CEP131: variants seen among roughly 807,000 people sequenced by gnomAD.
The protein encoded by CEP131 is centrosomal protein of 131 kDa.
Under a neutral mutation model 136.8 loss-of-function variants are expected in CEP131, and 99 were observed. That is an observed-to-expected ratio of 0.72 (90% CI 0.62 to 0.86). CEP131 has a LOEUF of 0.86. Among genes scored for constraint, CEP131 ranks in the 40% least tolerant of loss-of-function variants. The probability of loss-of-function intolerance (pLI) is 0.00; values close to 1 mark genes in which losing one functional copy is unlikely to be tolerated. For synonymous variants in CEP131, 646 were observed against 612.7 expected, an observed-to-expected ratio of 1.05 and a Z score of -0.80; for missense variants, 1,459 against 1,463.0, an observed-to-expected ratio of 1.00 and a Z score of 0.04.
At chr17:81,195,126 C>T (rs2061726929) in intron 16 of CEP131, among the ~76,000 whole-genome samples, 154 bp from the exon 17 acceptor site, 1 of 152,144 alleles carries the variant, frequency 6.6e-6, no homozygotes, top group African/African-American at 2.4e-5. Flanking sequence ...GCCACTGCTG[C>T]CCTCCCCAGC....
chr17:81,198,301 C>T lies in CEP131; in HGVS notation c.1288-4G>A. On this transcript the variant is annotated splice_polypyrimidine_tract_variant and splice_region_variant and intron_variant, in intron 11 of 25. Coordinates refer to ENST00000450824, the MANE Select transcript of CEP131 (RefSeq NM_014984.4). ...CTGCATCCTGGGCAAGAACGTCCTG[C>T]AAAAGAGCAGGGAGACAGATGCAGC... is the stretch of plus-strand genomic sequence containing the variant. 1 of 1,590,956 alleles carries T rather than the reference C, an allele frequency of 6.3e-7. No homozygotes were observed.
intron 3 of CEP131, 90 bp from the exon 4 acceptor site, chr17:81,207,329 CAG>C: frequency 8.7e-7 from 1 of 1,143,288 alleles, no homozygotes; most frequent in Non-Finnish European, 1.3e-6. Context: ...CCCGCGAGGA[CAG>C]AGGGGCTGAG....
At chr17:81,190,365 C>G (rs2061610819) in intron 24 of CEP131, among the ~76,000 whole-genome samples, 1 of 152,208 alleles carries the variant, frequency 6.6e-6, no homozygotes, top group African/African-American at 2.4e-5. Flanking sequence ...GCCCCGGGAG[C>G]TGACTCCCTG....
chr17:81,205,720 G>A (rs1395685464), intron 5 of CEP131, among the ~76,000 whole-genome samples: 1 of 151,976 alleles, frequency 6.6e-6, no homozygotes, highest in East Asian at 1.9e-4. Flanking sequence ...GCAACACAGC[G>A]AGACTTCATC....
At position 81,194,041 on chromosome 17, in the gene CEP131, G is replaced by A; in HGVS notation, c.2206C>T (p.Gln736Ter). ...CGCTGCGAGGCCCGCTCATCCGACTGCAGCAGCTCCGCCTCGTGCAGGCTC... is the reference window on the plus strand; with the variant it reads ...CGCTGCGAGGCCCGCTCATCCGACTACAGCAGCTCCGCCTCGTGCAGGCTC... ...LKSLHEAELL[Q>*]SDERASQRCL... Residue 736 changes from glutamine (Q) to a stop codon, truncating the protein, a stop_gained, in exon 18 of 26, where the codon CAG becomes TAG. Coordinates refer to ENST00000450824, the MANE Select transcript of CEP131 (RefSeq NM_014984.4). LOFTEE classifies it high-confidence loss of function. 1 of 1,582,962 alleles carries A rather than the reference G, an allele frequency of 6.3e-7. No individual in the cohort carries two copies.
In CEP131 at chr17:81,197,000, G is replaced by C; in HGVS notation, c.1703C>G (p.Thr568Arg). 5 of 1,601,878 alleles carry C rather than the reference G, an allele frequency of 3.1e-6. No individual in the cohort carries two copies. Among genetic ancestry groups the C allele is most frequent in the Non-Finnish European group, 3.4e-6 (4 of 1,174,422 alleles). The change falls in exon 14 of 26, where the codon ACG becomes AGG. Residue 568 changes from threonine (T) to arginine (R), a missense_variant. Thr to Arg is a moderately conservative substitution (Grantham distance 71). Around this residue, in one of 3 missense-constraint regions of CEP131, gnomAD observed 1,026 missense variants for 964.2 expected, o/e 1.06. Coordinates refer to ENST00000450824, the MANE Select transcript of CEP131 (RefSeq NM_014984.4). Reference protein sequence around the residue: ...GPLELGSEVSTSVMRLKLEVE... With the variant: ...GPLELGSEVSRSVMRLKLEVE... ...CTCCAGCTTCAGCCGCATCACAGAC[G>C]TGCTCACCTCGGACCCCAGCTCCAG...
In CEP131 at chr17:81,195,841, G is replaced by T; in HGVS notation, c.2010C>A (p.His670Gln). ...TERVAQAQAQHELEIKKLKEL... is the reference protein window; with the variant it reads ...TERVAQAQAQQELEIKKLKEL... ...GTAGGGAGCAAAGCCTCACCAGCTC[G>T]TGCTGCGCCTGTGCCTGGGCCACAC... is the stretch of plus-strand genomic sequence containing the variant. The change falls in exon 16 of 26, where the codon CAC (histidine) becomes CAA (glutamine). Residue 670 changes from histidine (H) to glutamine (Q), a missense_variant. By Grantham distance (24) the His-to-Gln change is conservative (BLOSUM62 0). Transcript: ENST00000450824. 6.2e-7 allele frequency: 1 copy of T among 1,603,652 alleles called. No individual in the cohort carries two copies.
chr17:81,211,407 A>G (rs1388610275), intron 2 of CEP131, among the ~76,000 whole-genome samples: 3 of 152,250 alleles, frequency 2.0e-5, no homozygotes, highest in Non-Finnish European at 4.4e-5. Context: ...GCAAGTGCCC[A>G]AAAGAGAGAC....
intron 2 of CEP131, among the ~76,000 whole-genome samples, chr17:81,210,243 C>T (rs2062102620): frequency 6.6e-6 from 1 of 152,150 alleles, no homozygotes; most frequent in African/African-American, 2.4e-5. Context: ...AATCCCAGCA[C>T]TTTGGGAGGC....
At position 81,192,568 on chromosome 17, in the gene CEP131, T is replaced by C. The variant is rs762979534; in HGVS notation, c.2455A>G (p.Arg819Gly). Residue 819 changes from arginine (R) to glycine (G), a missense_variant, in exon 20 of 26, where the codon AGG (arginine) becomes GGG (glycine). Around this residue, in one of 3 missense-constraint regions of CEP131, gnomAD observed 1,026 missense variants for 964.2 expected, o/e 1.06. Transcript: ENST00000450824. ...GAGCTGCTCTCCTCCAGCTGCTGCC[T>C]CAGCTCTTCCAGCTCCGCCCGCTGC... Reference protein sequence around the residue: ...ARQRAELEELRQQLEESSSAL... With the variant: ...ARQRAELEELGQQLEESSSAL... 6.2e-7 allele frequency: 1 copy of C among 1,608,746 alleles called. No homozygotes were observed. Among genetic ancestry groups the C allele is most frequent in the African/African-American group, 1.3e-5 (1 of 74,794 alleles).
rs368829189 is a variant in CEP131 at position 81,196,662 on chromosome 17, G to A, written c.1899+39C>T. Reference sequence around the variant, plus strand: ...GGCTCTGGAAGTCTCCATGAGCCACGCGCTGGGTCCGGGCCTCTGCGCTCC... The same window carrying A: ...GGCTCTGGAAGTCTCCATGAGCCACACGCTGGGTCCGGGCCTCTGCGCTCC... On this transcript the variant is annotated intron_variant, in intron 15 of 25. Coordinates refer to ENST00000450824, the MANE Select transcript of CEP131 (RefSeq NM_014984.4). 223 of 1,582,394 alleles carry A rather than the reference G, an allele frequency of 1.4e-4. 1 individual carries two copies. The African/African-American group carries it at 2.4e-3, about 17-fold the overall frequency.
intron 2 of CEP131, among the ~76,000 whole-genome samples, chr17:81,211,143 AAC>A (rs144687134): frequency 0.028 from 4,238 of 152,306 alleles, 75 homozygotes; most frequent in African/African-American, 0.061. Flanking sequence ...AGCAAAAGCT[AAC>A]ACCCAATACA....
rs112208154 is a variant in CEP131, at chr17:81,200,376, C to T, written c.859G>A (p.Gly287Arg). ...RWYRHQVQRR[G>R]AGAARLEHLL... The stretch of plus-strand genomic sequence containing the variant: ...TGCTCCAGGCGGGCAGCTCCTGCTC[C>T]GCGCCGCTGCACCTGGTGCCGGTAC... The change falls in exon 8 of 26, where the codon GGA becomes AGA. Residue 287 changes from glycine to arginine, a missense_variant. Physicochemically the swap from Gly to Arg is moderately radical, Grantham distance 125 (BLOSUM62 -2). This residue lies in a region of CEP131 where 246 missense variants were observed against 318.9 expected (regional missense o/e 0.77). Coordinates refer to ENST00000450824, the MANE Select transcript of CEP131 (RefSeq NM_014984.4). 2.3e-5 allele frequency: 36 copies of T among 1,576,434 alleles called. No individual in the cohort carries two copies. The East Asian group carries it at 2.8e-4, about 12-fold the overall frequency.
At chr17:81,210,615 G>C (rs965892547) in intron 2 of CEP131, among the ~76,000 whole-genome samples, 2 of 151,930 alleles carry the variant, frequency 1.3e-5, no homozygotes, top group East Asian at 3.9e-4. Flanking sequence ...CAGGGGAAAG[G>C]GCTCACAGTC....
chr17:81,198,001 A>C (rs2061803220), intron 12 of CEP131, 113 bp from the exon 13 acceptor site: 2 of 1,499,290 alleles, frequency 1.3e-6, no homozygotes, highest in African/African-American at 1.4e-5. Context: ...GTTGTGACTA[A>C]AGCCAGGAGG....
chr17:81,190,104 G>A (rs1003373050), intron 24 of CEP131, 129 bp from the exon 25 acceptor site: 1 of 833,292 alleles, frequency 1.2e-6, no homozygotes, highest in African/African-American at 1.7e-5. Context: ...CACGACTCCT[G>A]TGGCTGGCCC....
In CEP131 at chr17:81,203,518, G is replaced by A; in HGVS notation, c.605C>T (p.Ser202Phe). Residue 202 changes from serine to phenylalanine, a missense_variant, in exon 6 of 26, where the codon TCC (serine) becomes TTC (phenylalanine). By Grantham distance (155) the Ser-to-Phe change is radical. Transcript: ENST00000450824. This position sits in a 1 kb window ranked among gnomAD's most constrained non-coding sequence, Gnocchi z 4.6. ...PSERAPPLKS[S>F]NQTAPSLNNI... is the part of the protein sequence containing the mutation. ...CTTGAGGGAGGGGGCAGTCTGGTTG[G>A]AGCTCTTGAGCGGAGGCGCCCTCTC... The A allele has an allele frequency of 1.2e-6, 2 of 1,607,136 alleles. No individual in the cohort carries two copies. The highest frequency in any genetic ancestry group is 1.7e-6 in the Non-Finnish European group (2 of 1,177,624).
At chr17:81,194,565 G>A (rs1265888569) in intron 17 of CEP131, among the ~76,000 whole-genome samples, 3 of 152,196 alleles carry the variant, frequency 2.0e-5, no homozygotes, top group Admixed American at 6.5e-5. Context: ...TGCCACAGTC[G>A]TCCACAAACT....
At chr17:81,207,917 TAAC>T (rs1367700490) in intron 3 of CEP131, among the ~76,000 whole-genome samples, 1 of 1,004 alleles carries the variant, frequency 1.0e-3, no homozygotes, top group African/African-American at 3.8e-3. Flanking sequence ...ACACACCACA[TAAC>T]ACACACACCA....
Sources: gnomAD v4.1 joint callset for allele counts (sites outside exome capture counted in the v4.1 genomes callset) on GRCh38, gnomAD v4.1.1 for gene constraint, gnomAD v4.1.1 regional missense constraint, Gnocchi (gnomAD v3.1) non-coding constraint, MANE v1.5 for transcripts, NCBI Gene and HGNC (gene_info 2026-07-23, HGNC 2026-07-21) for gene names.